ATR: variants seen among roughly 807,000 people sequenced by gnomAD.
The protein encoded by ATR is ATR checkpoint kinase.
Under a neutral mutation model 305.3 loss-of-function variants are expected in ATR, and 142 were observed. The observed-to-expected ratio is 0.47, with a 90% CI of 0.41 to 0.53. The LOEUF (loss-of-function observed/expected upper bound fraction) is 0.53, where lower values mean the gene tolerates loss of function less well. Among genes scored for constraint, ATR ranks in the 20% least tolerant of loss-of-function variants. The pLI is 0.00. For missense variants in ATR, 2,135 were observed against 3,133.1 expected, an observed-to-expected ratio of 0.68 and a Z score of 7.60; for synonymous variants, 1,050 against 1,068.1, an observed-to-expected ratio of 0.98 and a Z score of 0.33.
At position 142,558,696 on chromosome 3, in the gene ATR, C is replaced by T. The variant is rs757421399; in HGVS notation, c.1813G>A (p.Asp605Asn). ...SLPWIYSHSD[D>N]GCLKLTTFAA... is the part of the protein sequence containing the mutation. ...AATGTGGTCAACTTTAAACAGCCAT[C>T]ATCAGAATGGGAATAAATCCATGGA... Residue 605 changes from aspartate (D) to asparagine (N), a missense_variant, in exon 8 of 47, where the codon GAT becomes AAT. Asp to Asn is a conservative substitution (Grantham distance 23, BLOSUM62 1). Coordinates refer to ENST00000350721, the MANE Select transcript of ATR (RefSeq NM_001184.4). 1 of 1,612,856 alleles carries T rather than the reference C, an allele frequency of 6.2e-7. No homozygotes were observed. Among genetic ancestry groups the T allele is most frequent in the East Asian group, 2.2e-5 (1 of 44,762 alleles).
chr3:142,507,118 G>A (rs1340731663), intron 28 of ATR, among the ~76,000 whole-genome samples: 1 of 152,120 alleles, frequency 6.6e-6, no homozygotes, highest in Non-Finnish European at 1.5e-5. Context: ...ATAGGAAGGG[G>A]CTAATATTCA....
chr3:142,520,928 G>A (rs2033122609), intron 23 of ATR, among the ~76,000 whole-genome samples: 1 of 152,164 alleles, frequency 6.6e-6, no homozygotes, highest in Non-Finnish European at 1.5e-5. Flanking sequence ...GAGAGGAGAA[G>A]TCAATGCCTG....
intron 35 of ATR, among the ~76,000 whole-genome samples, chr3:142,485,865 T>C (rs572545232): frequency 6.6e-6 from 1 of 152,228 alleles, no homozygotes; most frequent in South Asian, 2.1e-4. Flanking sequence ...TAAAACTATG[T>C]CTTTTCAGCT....
intron 36 of ATR, among the ~76,000 whole-genome samples, chr3:142,474,351 T>G (rs1332114543): frequency 6.6e-6 from 1 of 152,216 alleles, no homozygotes; most frequent in African/African-American, 2.4e-5. Context: ...ATAATATTAA[T>G]TCTTCCAATA....
At chr3:142,452,167 G>A in intron 46 of ATR, 1 of 1,015,528 alleles carries the variant, frequency 9.8e-7, no homozygotes, top group African/African-American at 1.7e-5. Context: ...GAAGGATGGG[G>A]GCGTACAGGT....
chr3:142,576,882 CATAAA>C (rs2035457554), intron 1 of ATR, among the ~76,000 whole-genome samples: 2 of 135,840 alleles, frequency 1.5e-5, no homozygotes, highest in Admixed American at 1.5e-4. Context: ...AAGAGCAGCC[CATAAA>C]TTAGAACACT....
Position 142,578,716 on chromosome 3 carries a change from G to C in ATR, c.-12C>G, listed in dbSNP as rs774385622. 1.9e-6 allele frequency: 3 copies of C among 1,611,142 alleles called. No homozygotes were observed. Among genetic ancestry groups the C allele is most frequent in the Non-Finnish European group, 2.5e-6 (3 of 1,179,452 alleles). ...CCATGTTCCCCCATGCTGAGGCTGCGAGGCACTAGTCAACCACGCCAACGC... is the reference window on the plus strand; with the variant it reads ...CCATGTTCCCCCATGCTGAGGCTGCCAGGCACTAGTCAACCACGCCAACGC... On this transcript the variant is annotated 5_prime_UTR_variant, in exon 1 of 47. Transcript: ENST00000350721.
chr3:142,510,748 T>C (rs2032509776), intron 27 of ATR, among the ~76,000 whole-genome samples: 1 of 152,022 alleles, frequency 6.6e-6, no homozygotes, highest in East Asian at 1.9e-4. Context: ...ACTTGATGTC[T>C]GTGAGAACAG....
At chr3:142,480,460 AG>A (rs1226104668) in intron 36 of ATR, among the ~76,000 whole-genome samples, 3 of 152,186 alleles carry the variant, frequency 2.0e-5, no homozygotes, top group Admixed American at 6.5e-5. Context: ...TTCGTCTCAA[AG>A]GGGTACCCGG....
rs757491449 is a variant in ATR, at chr3:142,498,620, T to C, written c.5535A>G (p.Gln1845=). ...ACCTCACAATATATTCATATCCTCG[T>C]TGGTAGGAGCCTCTTTCAAAGCTTG... is the stretch of plus-strand genomic sequence containing the variant. ...SAASFERGSY[Q]RGYEYIVRLH... The change falls in exon 32 of 47, where the codon CAA becomes CAG. Residue 1845 remains glutamine (Q), a synonymous_variant. Coordinates refer to ENST00000350721, the MANE Select transcript of ATR (RefSeq NM_001184.4). 3 of 1,613,840 alleles carry C rather than the reference T, an allele frequency of 1.9e-6. No homozygotes were observed. The highest frequency in any genetic ancestry group is 2.5e-6 in the Non-Finnish European group (3 of 1,179,972).
chr3:142,549,689 A>G lies in ATR; in HGVS notation c.2977-16T>C. The G allele has an allele frequency of 1.2e-6, 2 of 1,610,698 alleles. No individual in the cohort carries two copies. The highest frequency in any genetic ancestry group is 1.7e-6 in the Non-Finnish European group (2 of 1,177,726). On this transcript the variant is annotated splice_polypyrimidine_tract_variant and intron_variant, in intron 14 of 46. Transcript: ENST00000350721. The stretch of plus-strand genomic sequence containing the variant: ...GTAATGTCCTCTGAAAAAGAATGCA[A>G]CAATTACCAAAAAGTACATTTGTCT...
At chr3:142,573,923 G>GTA (rs893090072) in intron 1 of ATR, among the ~76,000 whole-genome samples, 8 of 152,076 alleles carry the variant, frequency 5.3e-5, no homozygotes, top group Non-Finnish European at 1.0e-4. Context: ...TAATTACAAG[G>GTA]TAACATGAAT....
chr3:142,499,229 C>A, intron 31 of ATR: 2 of 338,830 alleles, frequency 5.9e-6, no homozygotes, highest in South Asian at 2.6e-5. Flanking sequence ...ATAAAACAGG[C>A]TAAGATATTA....
chr3:142,576,058 C>T (rs528510532), intron 1 of ATR, among the ~76,000 whole-genome samples: 58 of 152,248 alleles, frequency 3.8e-4, no homozygotes, highest in Non-Finnish European at 6.8e-4. Flanking sequence ...ATGGAAAGAT[C>T]AACTAAGGTT....
chr3:142,520,459 G>T (rs775197718), intron 23 of ATR, among the ~76,000 whole-genome samples: 5 of 152,068 alleles, frequency 3.3e-5, no homozygotes, highest in Admixed American at 6.6e-5. Flanking sequence ...TAAATGCAAA[G>T]AAAAAGTTCT....
intron 31 of ATR, chr3:142,499,101 G>A (rs906877091): frequency 1.1e-5 from 4 of 380,896 alleles, no homozygotes; most frequent in South Asian, 9.2e-5. Context: ...GACTGGTCTA[G>A]AGCTCTTGGC....
intron 35 of ATR, among the ~76,000 whole-genome samples, chr3:142,487,632 T>C (rs2031024454): frequency 6.6e-6 from 1 of 152,252 alleles, no homozygotes; most frequent in Non-Finnish European, 1.5e-5. Flanking sequence ...AATAATGTTA[T>C]AAACATTCTT....
At chr3:142,547,939 T>G in intron 15 of ATR, 29 bp from the exon 16 acceptor site, 1 of 1,601,420 alleles carries the variant, frequency 6.2e-7, no homozygotes, top group Non-Finnish European at 8.6e-7. Flanking sequence ...AAAAAAAATT[T>G]TTTTCTTCAT....
At position 142,513,707 on chromosome 3, in the gene ATR, T is replaced by G. The variant is rs1201881040; in HGVS notation, c.4504-69A>C. ...TGATTAAATGTCAAAGAGTAGCATGTGAGATAATTTATCACAAACGAGTAT... is the reference window on the plus strand; with the variant it reads ...TGATTAAATGTCAAAGAGTAGCATGGGAGATAATTTATCACAAACGAGTAT... On this transcript the variant is annotated intron_variant, in intron 25 of 46. Transcript: ENST00000350721. 3 of 1,461,142 alleles carry G rather than the reference T, an allele frequency of 2.1e-6. No homozygotes were observed. In the East Asian group the frequency reaches 6.9e-5, roughly 34 times the overall value. The allele number at this position is 1,461,142 out of a possible 1,614,324, so 90.5% of individuals were successfully genotyped here.
Sources: allele counts gnomAD v4.1 joint callset (sites outside exome capture counted in the v4.1 genomes callset), GRCh38; gene constraint gnomAD v4.1.1; transcripts MANE v1.5; gene names NCBI Gene and HGNC (gene_info 2026-07-23, HGNC 2026-07-21).